PPP1R9A: variants seen among roughly 807,000 people sequenced by gnomAD.
The protein encoded by PPP1R9A is neurabin-1.
A neutral mutation model predicts 141.9 loss-of-function variants in PPP1R9A; 59 were observed. The ratio of observed to expected loss-of-function variants is 0.42; its 90% CI spans 0.34 to 0.52. The LOEUF (loss-of-function observed/expected upper bound fraction) is 0.52, where lower values mean the gene tolerates loss of function less well. Among genes scored for constraint, PPP1R9A ranks in the 20% least tolerant of loss-of-function variants. PPP1R9A has a pLI of 0.10. For synonymous variants in PPP1R9A, 500 were observed against 569.7 expected, an observed-to-expected ratio of 0.88 and a Z score of 1.74; for missense variants, 1,444 against 1,611.9, an observed-to-expected ratio of 0.90 and a Z score of 1.78.
At chr7:95,180,806 CA>C (rs142504319) in intron 5 of PPP1R9A, among the ~76,000 whole-genome samples, 6,427 of 152,116 alleles carry the variant, frequency 0.042, 474 homozygotes, top group African/African-American at 0.15. Flanking sequence ...AAATGCAAAT[CA>C]AAACCACAGT....
At chr7:95,208,956 TAA>T (rs10670515) in intron 7 of PPP1R9A, among the ~76,000 whole-genome samples, 2 of 76,914 alleles carry the variant, frequency 2.6e-5, no homozygotes, top group African/African-American at 5.4e-5. Flanking sequence ...ATAGCAAAAC[TAA>T]AAAAAAAAAA....
rs138878177 is a variant in PPP1R9A at position 94,986,980 on chromosome 7, T to A, written c.1395+75472T>A. On this transcript the variant is annotated intron_variant, in intron 2 of 19. Transcript: ENST00000433360. The stretch of plus-strand genomic sequence containing the variant: ...GGCAGCAGCCTTTGGTGTGGAGCTG[T>A]TCTCTTGTCGGGGTATGGATTGGGC... Among the ~76,000 whole-genome samples, 583 of 152,274 alleles carry A rather than the reference T, an allele frequency of 3.8e-3. 22 individuals carry two copies. Among genetic ancestry groups the A allele is most frequent in the East Asian group, 0.035 (179 of 5,178 alleles).
chr7:95,171,759 A>G (rs902800440), intron 5 of PPP1R9A, among the ~76,000 whole-genome samples: 1 of 151,572 alleles, frequency 6.6e-6, no homozygotes, highest in Non-Finnish European at 1.5e-5. Context: ...AATAATACCA[A>G]CTCAACATAT....
chr7:95,215,811 A>G (rs1458413686), intron 7 of PPP1R9A, among the ~76,000 whole-genome samples: 1 of 151,938 alleles, frequency 6.6e-6, no homozygotes, highest in Admixed American at 6.6e-5. Context: ...CCACTTTTTG[A>G]TGGGGTTGTT....
intron 2 of PPP1R9A, chr7:95,098,274 G>A (rs1225615593): frequency 2.0e-5 from 3 of 152,064 alleles, no homozygotes; most frequent in Non-Finnish European, 4.4e-5. Context: ...TATCCTAGGC[G>A]TGATTATAGC....
intron 6 of PPP1R9A, among the ~76,000 whole-genome samples, chr7:95,198,818 C>G (rs947818136): frequency 2.6e-5 from 4 of 152,166 alleles, no homozygotes; most frequent in African/African-American, 9.7e-5. Context: ...TTTTCTCTCT[C>G]TGCTTTATAT....
chr7:95,259,325 G>A (rs1443428651), intron 12 of PPP1R9A, among the ~76,000 whole-genome samples: 1 of 150,986 alleles, frequency 6.6e-6, no homozygotes, highest in Non-Finnish European at 1.5e-5. Context: ...TACATATATG[G>A]TATACATTTT....
At chr7:94,947,853 G>C (rs1250852139) in intron 2 of PPP1R9A, among the ~76,000 whole-genome samples, 2 of 152,152 alleles carry the variant, frequency 1.3e-5, no homozygotes, top group African/African-American at 4.8e-5. Context: ...GGTCAAAACA[G>C]TAAGATGAAA....
intron 2 of PPP1R9A, among the ~76,000 whole-genome samples, chr7:95,008,089 C>T (rs1030507625): frequency 6.6e-6 from 1 of 151,848 alleles, no homozygotes; most frequent in Non-Finnish European, 1.5e-5. Flanking sequence ...TAAACAAACA[C>T]ACAAACAAAC....
intron 2 of PPP1R9A, among the ~76,000 whole-genome samples, chr7:94,976,081 T>C (rs1317682003): frequency 2.0e-5 from 3 of 152,150 alleles, no homozygotes; most frequent in Non-Finnish European, 2.9e-5. Flanking sequence ...TTAGCCAGCA[T>C]TGATTAACAG....
intron 4 of PPP1R9A, among the ~76,000 whole-genome samples, chr7:95,123,447 G>A (rs957287641): frequency 6.6e-6 from 1 of 152,142 alleles, no homozygotes; most frequent in Non-Finnish European, 1.5e-5. Flanking sequence ...TCCGGAGTTC[G>A]AGACCAGCCT....
rs538991102 is a variant in PPP1R9A, at chr7:95,047,107, T to C, written c.1396-64152T>C. 3.3e-5 allele frequency among the ~76,000 whole-genome samples: 5 copies of C among 152,312 alleles called. No individual in the cohort carries two copies. In the East Asian group the frequency reaches 5.8e-4, roughly 18 times the overall value. ...TCCAGGTTCTGTGTAACACACACCA[T>C]AGTTGGCAGCAGCTGAGATTTGCTT... On this transcript the variant is annotated intron_variant, in intron 2 of 19. Transcript: ENST00000433360.
intron 2 of PPP1R9A, among the ~76,000 whole-genome samples, chr7:95,088,931 A>C (rs1445120178): frequency 6.6e-6 from 1 of 152,036 alleles, no homozygotes; most frequent in Non-Finnish European, 1.5e-5. Context: ...TGGAATTTCA[A>C]AGCTGAACGT....
intron 2 of PPP1R9A, among the ~76,000 whole-genome samples, chr7:95,051,752 A>G (rs1810833609): frequency 6.6e-6 from 1 of 152,172 alleles, no homozygotes; most frequent in Non-Finnish European, 1.5e-5. Context: ...AAGATCCTTT[A>G]TGCCAAAACA....
chr7:95,130,535 C>A (rs1234038506), intron 4 of PPP1R9A, among the ~76,000 whole-genome samples: 2 of 152,128 alleles, frequency 1.3e-5, no homozygotes, highest in Non-Finnish European at 2.9e-5. Flanking sequence ...TGGGGCACTG[C>A]CTAGTGGAGC....
chr7:94,966,035 C>T (rs540865312), intron 2 of PPP1R9A, among the ~76,000 whole-genome samples: 4 of 152,286 alleles, frequency 2.6e-5, no homozygotes, highest in Non-Finnish European at 4.4e-5. Context: ...AGGTCCTTCA[C>T]ATTCCTTTAA....
chr7:95,189,268 GCCTGGGTGATGAT>G (rs1563384568), intron 5 of PPP1R9A, among the ~76,000 whole-genome samples: 1 of 151,984 alleles, frequency 6.6e-6, no homozygotes, highest in Non-Finnish European at 1.5e-5. Context: ...ATGGCTACGT[GCCTGGGTGATGAT>G]CTTTTTGCTG....
chr7:95,126,110 TATTTTCACA>T (rs1225295066), intron 4 of PPP1R9A, among the ~76,000 whole-genome samples: 3 of 152,230 alleles, frequency 2.0e-5, no homozygotes, highest in African/African-American at 7.2e-5. Flanking sequence ...CTTTGATATG[TATTTTCACA>T]ATTTTCACAT....
At chr7:94,940,332 G>A (rs565528648) in intron 2 of PPP1R9A, among the ~76,000 whole-genome samples, 44 of 151,906 alleles carry the variant, frequency 2.9e-4, no homozygotes, top group African/African-American at 1.1e-3. Flanking sequence ...GTATAATGTA[G>A]GGTGTCCTTT....
Sources: allele counts gnomAD v4.1 joint callset (sites outside exome capture counted in the v4.1 genomes callset), GRCh38; gene constraint gnomAD v4.1.1; transcripts MANE v1.5; gene names NCBI Gene and HGNC (gene_info 2026-07-23, HGNC 2026-07-21).